Variants in CREB3L3 observed in about 807,000 individuals in gnomAD.
CREB3L3 encodes the protein cAMP responsive element binding protein 3 like 3.
A neutral mutation model predicts 44.6 loss-of-function variants in CREB3L3; 40 were observed. The observed-to-expected ratio is 0.90, with a 90% CI of 0.70 to 1.17. CREB3L3 has a LOEUF of 1.17. Among genes scored for constraint, CREB3L3 ranks in the 50% most tolerant of loss-of-function variants. CREB3L3 has a pLI of 0.00. For missense variants in CREB3L3, 578 were observed against 595.8 expected (o/e 0.97, Z 0.31); for synonymous variants, 273 against 256.3 (o/e 1.06, Z -0.62).
intron 7 of CREB3L3, 57 bp downstream of exon 7, chr19:4,170,265 G>A: frequency 6.5e-7 from 1 of 1,533,280 alleles, no homozygotes; most frequent in Middle Eastern, 1.7e-4. Flanking sequence ...GAGTCCCTTT[G>A]CAGGAAGAGC....
chr19:4,153,875 AGATGG>A, intron 1 of CREB3L3, 101 bp downstream of exon 1: 1 of 1,315,872 alleles, frequency 7.6e-7, no homozygotes, highest in Non-Finnish European at 1.1e-6. Context: ...CCTATTGTAC[AGATGG>A]GAAGACTGAG....
intron 1 of CREB3L3, 105 bp from the exon 2 acceptor site, chr19:4,154,794 A>C (rs2041550378): frequency 6.5e-7 from 1 of 1,548,720 alleles, no homozygotes; most frequent in Admixed American, 1.7e-5. Context: ...CCGGAGGCAG[A>C]GCGGCAACTG....
chr19:4,168,088 T>A (rs1048733795), intron 5 of CREB3L3, among the ~76,000 whole-genome samples: 6 of 151,842 alleles, frequency 4.0e-5, no homozygotes, highest in Admixed American at 3.9e-4. Context: ...AACCTCCGCC[T>A]CCCGGGTTCA....
chr19:4,161,859 A>G (rs1393812857), intron 4 of CREB3L3, among the ~76,000 whole-genome samples: 1 of 152,218 alleles, frequency 6.6e-6, no homozygotes, highest in African/African-American at 2.4e-5. Context: ...ACTGTTCATT[A>G]AGGTGTACAG....
chr19:4,172,295 A>T lies in CREB3L3; in HGVS notation c.*326A>T, dbSNP rs1426856403. 1.8e-5 allele frequency: 9 copies of T among 492,504 alleles called. No individual in the cohort carries two copies. In the East Asian group the frequency reaches 2.6e-4, roughly 14 times the overall value. The allele number at this position is 492,504 out of a possible 1,614,324, so 30.5% of individuals were successfully genotyped here. ...CTGAAACAGACCCGGACAGACAGAC[A>T]CAGCCTGAAACAGACCCAGACAAAC... is the stretch of plus-strand genomic sequence containing the variant. On this transcript the variant is annotated 3_prime_UTR_variant, in exon 10 of 10. Transcript: ENST00000078445.
chr19:4,169,584 C>CTTTTTTT (rs34259250), intron 6 of CREB3L3, among the ~76,000 whole-genome samples: 4 of 95,140 alleles, frequency 4.2e-5, no homozygotes, highest in Non-Finnish European at 8.1e-5. Context: ...GGAGGCTCAG[C>CTTTTTTT]TTTTTTTTTT....
chr19:4,157,604 C>T (rs551506335), intron 3 of CREB3L3, among the ~76,000 whole-genome samples: 1 of 152,352 alleles, frequency 6.6e-6, no homozygotes, highest in South Asian at 2.1e-4. Context: ...ATGGTGCTGA[C>T]AAGCACAGCC....
chr19:4,154,694 A>G (rs1568276863), intron 1 of CREB3L3, among the ~76,000 whole-genome samples: 1 of 152,134 alleles, frequency 6.6e-6, no homozygotes, highest in East Asian at 1.9e-4. Flanking sequence ...TTTAAGAGAA[A>G]TTGGCTCTCA....
rs570665435 is a variant in CREB3L3 at position 4,167,233 on chromosome 19, C to A, written c.715-1118C>A. Among the ~76,000 whole-genome samples, 8 of 151,824 alleles carry A rather than the reference C, an allele frequency of 5.3e-5. No homozygotes were observed. In the Admixed American group the frequency reaches 5.3e-4, roughly 10 times the overall value. On this transcript the variant is annotated intron_variant, in intron 5 of 9. Transcript: ENST00000078445. ...TGTTGTGCACCTGTAATCCCAGCTACTTGGGAAGCTGGGGTGGGAGAATCA... is the reference window on the plus strand; with the variant it reads ...TGTTGTGCACCTGTAATCCCAGCTAATTGGGAAGCTGGGGTGGGAGAATCA...
At position 4,162,516 on chromosome 19, in the gene CREB3L3, C is replaced by CAAAAAAAAAA. The variant is rs777481446; in HGVS notation, c.577-1978_577-1969dup. Among the ~76,000 whole-genome samples, 51 of 96,712 alleles carry CAAAAAAAAAA rather than the reference C, an allele frequency of 5.3e-4. 2 individuals carry two copies. Among genetic ancestry groups the CAAAAAAAAAA allele is most frequent in the Middle Eastern group, 0.015 (2 of 130 alleles). 63.4% of individuals were successfully genotyped at this position (96,712 alleles called of 152,430 possible). A position where few individuals can be genotyped will look rare whatever the true frequency, so the allele number is the denominator to read the frequency against. On this transcript the variant is annotated intron_variant, in intron 4 of 9. Transcript: ENST00000078445. Reference sequence around the variant, plus strand: ...GCAACATAGCAAGACCTCGTCTCTACAAAAAAAAAAAAAAAAAATTAGCTG... The same window carrying CAAAAAAAAAA: ...GCAACATAGCAAGACCTCGTCTCTACAAAAAAAAAAAAAAAAAAAAAAAAAAAATTAGCTG...
At position 4,168,354 on chromosome 19, in the gene CREB3L3, G is replaced by A. The variant is rs778428363; in HGVS notation, c.718G>A (p.Glu240Lys). The A allele has an allele frequency of 3.2e-5, 51 of 1,608,378 alleles. No individual in the cohort carries two copies. The Middle Eastern group carries it at 8.3e-4, about 26-fold the overall frequency. Residue 240 changes from glutamate (E) to lysine (K), a missense_variant, in exon 6 of 10, where the codon GAG (glutamate) becomes AAG (lysine). Coordinates refer to ENST00000078445, the MANE Select transcript of CREB3L3 (RefSeq NM_032607.3). ...LPTQLPLTKYEERVLKKIRRK... is the reference protein window; with the variant it reads ...LPTQLPLTKYKERVLKKIRRK... ...TCCTCCCCATTTCACTTGGCAGTAC[G>A]AGGAGCGAGTGCTGAAAAAAATCCG...
chr19:4,169,965 G>T (rs1352920597), intron 6 of CREB3L3, among the ~76,000 whole-genome samples, 175 bp from the exon 7 acceptor site: 1 of 152,152 alleles, frequency 6.6e-6, no homozygotes, highest in Non-Finnish European at 1.5e-5. Flanking sequence ...GAACCAGGCA[G>T]ATGTGGGTTC....
At chr19:4,165,923 T>A (rs1269227021) in intron 5 of CREB3L3, among the ~76,000 whole-genome samples, 1 of 151,744 alleles carries the variant, frequency 6.6e-6, no homozygotes, top group Non-Finnish European at 1.5e-5. Flanking sequence ...CAAAACAAAA[T>A]CCAAAAAACC....
intron 3 of CREB3L3, among the ~76,000 whole-genome samples, chr19:4,158,409 A>G (rs1368341742): frequency 1.3e-5 from 2 of 152,050 alleles, no homozygotes; most frequent in Non-Finnish European, 1.5e-5. Context: ...AGGCAGGAGA[A>G]TCACCTGAAC....
intron 6 of CREB3L3, among the ~76,000 whole-genome samples, chr19:4,169,874 C>T (rs1232427482): frequency 6.6e-6 from 1 of 152,142 alleles, no homozygotes; most frequent in Non-Finnish European, 1.5e-5. Context: ...GCTGGGATTA[C>T]AGGTGTGAAC....
intron 1 of CREB3L3, 56 bp downstream of exon 1, chr19:4,153,830 C>T (rs2041539623): frequency 6.3e-7 from 1 of 1,598,816 alleles, no homozygotes; most frequent in African/African-American, 1.3e-5. Flanking sequence ...AAAGCCTACC[C>T]AAGCTGCCAG....
chr19:4,161,300 A>G lies in CREB3L3; in HGVS notation c.576+1518A>G, dbSNP rs527573446. On this transcript the variant is annotated intron_variant, in intron 4 of 9. Transcript: ENST00000078445. ...TTTTTCTTTTAATTTTTTTCTGTAG[A>G]TATGGGTCTTGCTATGTTTCCCAGG... is the stretch of plus-strand genomic sequence containing the variant. Among the ~76,000 whole-genome samples the G allele has an allele frequency of 1.1e-4, 16 of 151,762 alleles. No homozygotes were observed. The East Asian group carries it at 2.3e-3, about 22-fold the overall frequency.
Position 4,168,421 on chromosome 19 carries a change from A to G in CREB3L3, c.785A>G (p.Lys262Arg), listed in dbSNP as rs1295393197. Residue 262 changes from lysine to arginine, a missense_variant, in exon 6 of 10, where the codon AAG (lysine) becomes AGG (arginine). Coordinates refer to ENST00000078445, the MANE Select transcript of CREB3L3 (RefSeq NM_032607.3). ...RNKQSAQESR[K>R]KKKEYIDGLE... ...AAGCAGTCGGCGCAAGAAAGCAGGA[A>G]GAAGAAGAAGGAATATATCGATGGC... The G allele has an allele frequency of 6.2e-7, 1 of 1,608,840 alleles. No homozygotes were observed. The highest frequency in any genetic ancestry group is 8.5e-7 in the Non-Finnish European group (1 of 1,176,762).
chr19:4,156,434 G>A (rs537596636), intron 2 of CREB3L3, among the ~76,000 whole-genome samples: 10 of 151,184 alleles, frequency 6.6e-5, no homozygotes, highest in East Asian at 3.9e-4. Context: ...TGATCTGCCC[G>A]CCTTGGCCTC....
Sources: allele counts gnomAD v4.1 joint callset (sites outside exome capture counted in the v4.1 genomes callset), GRCh38; gene constraint gnomAD v4.1.1; transcripts MANE v1.5; gene names NCBI Gene and HGNC (gene_info 2026-07-23, HGNC 2026-07-21).